Variants in NCOR2 observed in about 807,000 individuals in gnomAD.
The protein encoded by NCOR2 is nuclear receptor corepressor 2.
In NCOR2, 81 loss-of-function variants were observed where a neutral mutation model predicts 262.9. The observed-to-expected ratio is 0.31, with a 90% confidence interval of 0.26 to 0.37. NCOR2 has a LOEUF of 0.37. Ranked by LOEUF, NCOR2 falls within the 10% of genes least tolerant of loss-of-function variation. The pLI is 1.00. For synonymous variants in NCOR2, 1,659 were observed against 1,559.3 expected (o/e 1.06, Z -1.51); for missense variants, 3,385 against 3,621.4 (o/e 0.93, Z 1.68).
chr12:124,501,579 G>C (rs1041613685), intron 1 of NCOR2, among the ~76,000 whole-genome samples: 2 of 152,050 alleles, frequency 1.3e-5, no homozygotes, highest in African/African-American at 2.4e-5. Context: ...TAGATGCATC[G>C]TGCCATCCTC....
rs1267523313 is a variant in NCOR2 at position 124,432,248 on chromosome 12, G to A, written c.883-1461C>T. 1.3e-5 allele frequency among the ~76,000 whole-genome samples: 2 copies of A among 152,146 alleles called. No individual in the cohort carries two copies. Among genetic ancestry groups the A allele is most frequent in the African/African-American group, 4.8e-5 (2 of 41,434 alleles). On this transcript the variant is annotated intron_variant, in intron 8 of 46. Coordinates refer to ENST00000405201, the Ensembl canonical transcript of NCOR2. The surrounding 1 kb of genome is among the most constrained non-coding windows in gnomAD (Gnocchi z 5.1). The stretch of plus-strand genomic sequence containing the variant: ...CAGACACACACACATCACACAGGCA[G>A]ACGACAGAAAGACAGGCACATAGTT...
chr12:124,442,255 T>C (rs1332776531), intron 7 of NCOR2, among the ~76,000 whole-genome samples: 2 of 152,212 alleles, frequency 1.3e-5, no homozygotes, highest in Non-Finnish European at 2.9e-5. Flanking sequence ...GCAATCCTCC[T>C]GCCTCAGCCT....
chr12:124,566,870 G>C lies in NCOR2; in HGVS notation c.-165+438C>G, dbSNP rs2052259834. 6.6e-6 allele frequency among the ~76,000 whole-genome samples: 1 copy of C among 152,212 alleles called. No homozygotes were observed. Among genetic ancestry groups the C allele is most frequent in the South Asian group, 2.1e-4 (1 of 4,834 alleles). Reference sequence around the variant, plus strand: ...CCACAACAGCCAGGCCAGGGAGCTAGGGGTACCATCTCCAAGGGCTTTCAA... The same window carrying C: ...CCACAACAGCCAGGCCAGGGAGCTACGGGTACCATCTCCAAGGGCTTTCAA... On this transcript the variant is annotated intron_variant, in intron 1 of 32. Transcript: ENST00000458234. The surrounding 1 kb of genome is among the most constrained non-coding windows in gnomAD (Gnocchi z 4.3).
chr12:124,494,996 C>T, intron 1 of NCOR2, 151 bp downstream of exon 3: 1 of 901,388 alleles, frequency 1.1e-6, no homozygotes, highest in Non-Finnish European at 1.6e-6. Context: ...GCTTCAGACA[C>T]CAGGGGTCTC....
chr12:124,531,351 A>C lies in NCOR2; in HGVS notation c.-118+4214T>G, dbSNP rs1440136623. 1.3e-5 allele frequency among the ~76,000 whole-genome samples: 2 copies of C among 152,174 alleles called. No individual in the cohort carries two copies. The highest frequency in any genetic ancestry group is 4.8e-5 in the African/African-American group (2 of 41,452). ...GATGGCAGGGCAGGCGCCTGGAGCC[A>C]ACGGCAGGAGGGGCATCCCCCGGGC... On this transcript the variant is annotated intron_variant, in intron 1 of 46. Transcript: ENST00000404621. The surrounding 1 kb of genome is among the most constrained non-coding windows in gnomAD (Gnocchi z 4.5).
intron 14 of NCOR2, 37 bp from the exon 17 acceptor site, chr12:124,400,710 C>A (rs367627827): frequency 1.2e-6 from 2 of 1,602,172 alleles, no homozygotes; most frequent in East Asian, 2.2e-5. Context: ...TGGCTTCACC[C>A]GAGCCGGGAA....
At position 124,503,787 on chromosome 12, in the gene NCOR2, G is replaced by A. The variant is rs566677263; in HGVS notation, c.-117-8419C>T. 6.6e-6 allele frequency among the ~76,000 whole-genome samples: 1 copy of A among 152,248 alleles called. No homozygotes were observed. The highest frequency in any genetic ancestry group is 1.9e-4 in the East Asian group (1 of 5,174). ...GGATGGATGGATGGATGGGCGGATG[G>A]ATGCACACACTCATCACCAGATGGG... On this transcript the variant is annotated intron_variant, in intron 1 of 46. Transcript: ENST00000404621. The surrounding 1 kb of genome is among the most constrained non-coding windows in gnomAD (Gnocchi z 4.3).
At chr12:124,343,623 TTTCA>T (rs2036646352) in intron 32 of NCOR2, among the ~76,000 whole-genome samples, 1 of 35,286 alleles carries the variant, frequency 2.8e-5, no homozygotes, top group African/African-American at 7.4e-5. Flanking sequence ...GAAAATTTTC[TTTCA>T]TTTTTTTTTT....
intron 20 of NCOR2, among the ~76,000 whole-genome samples, chr12:124,369,209 G>A (rs2039284192): frequency 1.3e-5 from 2 of 152,232 alleles, no homozygotes; most frequent in Admixed American, 1.3e-4. Context: ...GTAAGAGAGG[G>A]GAAGGCAGGC....
At chr12:124,364,975 G>A (rs2135981986) in intron 20 of NCOR2, among the ~76,000 whole-genome samples, 1 of 151,816 alleles carries the variant, frequency 6.6e-6, no homozygotes. Flanking sequence ...AGGTGGCCCG[G>A]CCTGCGTCTG....
At chr12:124,350,340 C>T (rs2135887239) in intron 28 of NCOR2, among the ~76,000 whole-genome samples, 1 of 152,326 alleles carries the variant, frequency 6.6e-6, no homozygotes, top group South Asian at 2.1e-4. Context: ...CAGTTTCCCT[C>T]CTATGCTTCT....
chr12:124,501,046 G>GCGCGCA (rs1491286173), intron 1 of NCOR2, among the ~76,000 whole-genome samples: 1 of 12,384 alleles, frequency 8.1e-5, no homozygotes, highest in East Asian at 7.7e-3. Flanking sequence ...CACGGCACGA[G>GCGCGCA]CGCGCGCGCA....
intron 31 of NCOR2, 74 bp downstream of exon 33, chr12:124,346,490 G>C: frequency 7.2e-7 from 1 of 1,388,788 alleles, no homozygotes; most frequent in Non-Finnish European, 9.4e-7. Flanking sequence ...CATGTGGAGA[G>C]GCCCAGGGCA....
intron 15 of NCOR2, among the ~76,000 whole-genome samples, chr12:124,399,088 A>C (rs2041852740): frequency 6.6e-6 from 1 of 152,098 alleles, no homozygotes; most frequent in Non-Finnish European, 1.5e-5. Flanking sequence ...TGTCCAACAG[A>C]GGCTGGCTGA....
intron 8 of NCOR2, among the ~76,000 whole-genome samples, chr12:124,434,784 C>T (rs554801380): frequency 1.3e-5 from 2 of 152,174 alleles, no homozygotes; most frequent in African/African-American, 2.4e-5. Context: ...GGGTGAAGGT[C>T]GGCACCTCTG....
At chr12:124,524,964 G>A (rs996334773) in intron 1 of NCOR2, among the ~76,000 whole-genome samples, 1 of 152,240 alleles carries the variant, frequency 6.6e-6, no homozygotes, top group African/African-American at 2.4e-5. Flanking sequence ...CATGCCACGT[G>A]CCCAATACAT....
At chr12:124,388,036 G>A (rs545448625) in intron 16 of NCOR2, among the ~76,000 whole-genome samples, 4 of 148,834 alleles carry the variant, frequency 2.7e-5, no homozygotes, top group Non-Finnish European at 6.0e-5. Flanking sequence ...AATTAACTCC[G>A]ATCATGGGGG....
At position 124,334,273 on chromosome 12, in the gene NCOR2, C is replaced by G. The variant is rs1486906102; in HGVS notation, c.6605+151G>C. 20 of 555,232 alleles carry G rather than the reference C, an allele frequency of 3.6e-5. No homozygotes were observed. In the East Asian group the frequency reaches 7.0e-4, roughly 19 times the overall value. 34.4% of individuals were successfully genotyped at this position (555,232 alleles called of 1,614,324 possible). On this transcript the variant is annotated intron_variant, in intron 41 of 46. Transcript: ENST00000405201. ...TTCGTTATGTATCCGCTCTGTGACTCCCCCATCTCCTGGAGCCTCCATTTC... is the reference window on the plus strand; with the variant it reads ...TTCGTTATGTATCCGCTCTGTGACTGCCCCATCTCCTGGAGCCTCCATTTC...
chr12:124,339,701 A>G (rs545746310), intron 37 of NCOR2, among the ~76,000 whole-genome samples: 2 of 85,040 alleles, frequency 2.4e-5, no homozygotes, highest in African/African-American at 6.8e-5. Flanking sequence ...TCATCCACCC[A>G]TCCAACCAGC....
Sources: allele counts gnomAD v4.1 joint callset (sites outside exome capture counted in the v4.1 genomes callset), GRCh38; gene constraint gnomAD v4.1.1; non-coding constraint Gnocchi (gnomAD v3.1); transcripts MANE v1.5; gene names NCBI Gene and HGNC (gene_info 2026-07-23, HGNC 2026-07-21).